Variants in CFAP61 observed in about 807,000 individuals in gnomAD.
The protein encoded by CFAP61 is cilia- and flagella-associated protein 61.
CFAP61 carries 107 observed loss-of-function variants against 135.6 expected under a neutral mutation model. The ratio of observed to expected loss-of-function variants is 0.79; its 90% CI spans 0.67 to 0.93. The LOEUF (loss-of-function observed/expected upper bound fraction) is 0.93, where lower values mean the gene tolerates loss of function less well. CFAP61 is among the 40% of genes least tolerant of loss of function. The pLI, the probability that CFAP61 is intolerant of heterozygous loss-of-function variation, is 0.00. For synonymous variants in CFAP61, 575 were observed against 578.5 expected (o/e 0.99, Z 0.09); for missense variants, 1,507 against 1,556.2 (o/e 0.97, Z 0.53).
At chr20:20,123,709 T>C (rs1245131913) in intron 8 of CFAP61, among the ~76,000 whole-genome samples, 1 of 151,856 alleles carries the variant, frequency 6.6e-6, no homozygotes, top group Admixed American at 6.5e-5. Context: ...GCTTTGGCTA[T>C]GCGGGCTCTT....
At chr20:20,150,292 C>CAAAAGACGT (rs1029944485) in intron 9 of CFAP61, among the ~76,000 whole-genome samples, 1 of 152,118 alleles carries the variant, frequency 6.6e-6, no homozygotes, top group African/African-American at 2.4e-5. Context: ...TAGCCAATCA[C>CAAAAGACGT]AAAAGACGTA....
chr20:20,114,828 T>C (rs1198171651), intron 8 of CFAP61, among the ~76,000 whole-genome samples: 5 of 152,230 alleles, frequency 3.3e-5, no homozygotes, highest in Non-Finnish European at 1.5e-5. Flanking sequence ...TGAAAAGTTT[T>C]CAGTATTTCA....
At chr20:20,316,808 G>C (rs1229170660) in intron 25 of CFAP61, 2 of 148,672 alleles carry the variant, frequency 1.3e-5, no homozygotes, top group Non-Finnish European at 3.0e-5. Flanking sequence ...CTTGAACCCA[G>C]GAGGCAGAGT....
chr20:20,067,776 T>TATTATTA (rs1568820899), intron 2 of CFAP61, among the ~76,000 whole-genome samples: 2 of 65,940 alleles, frequency 3.0e-5, no homozygotes, highest in Non-Finnish European at 1.0e-4. Flanking sequence ...TATGTATTTA[T>TATTATTA]TATATATATA....
At position 20,131,335 on chromosome 20, in the gene CFAP61, T is replaced by C. The variant is rs559506176; in HGVS notation, c.860-11522T>C. ...AATTGCAGTTTATAATTTAAATTGT[T>C]ATATACCTATTTGTTATATTTGGTA... On this transcript the variant is annotated intron_variant, in intron 8 of 26. Coordinates refer to ENST00000245957, the MANE Select transcript of CFAP61 (RefSeq NM_015585.4). 1.3e-4 allele frequency among the ~76,000 whole-genome samples: 4 copies of C among 30,826 alleles called. No individual in the cohort carries two copies. In the South Asian group the frequency reaches 3.7e-3, roughly 28 times the overall value. The allele number at this position is 30,826 out of a possible 152,430, so 20.2% of individuals were successfully genotyped here.
chr20:20,296,277 C>T (rs1259014360), intron 24 of CFAP61, among the ~76,000 whole-genome samples: 3 of 86,012 alleles, frequency 3.5e-5, no homozygotes, highest in African/African-American at 1.5e-4. Context: ...CCTCCCCCTT[C>T]CCTCATCCCT....
chr20:20,147,046 A>G (rs148926393), intron 9 of CFAP61, among the ~76,000 whole-genome samples: 1 of 152,344 alleles, frequency 6.6e-6, no homozygotes, highest in East Asian at 1.9e-4. Flanking sequence ...AATGGCCTCC[A>G]GCTCTATCCA....
intron 25 of CFAP61, among the ~76,000 whole-genome samples, chr20:20,324,686 C>G: frequency 6.6e-6 from 1 of 152,184 alleles, no homozygotes; most frequent in Admixed American, 6.5e-5. Context: ...TTCCCACTAA[C>G]AGGACAGAAG....
chr20:20,238,185 TA>T (rs2049742585), intron 18 of CFAP61, among the ~76,000 whole-genome samples: 2 of 152,224 alleles, frequency 1.3e-5, no homozygotes, highest in South Asian at 4.1e-4. Flanking sequence ...TACTTAACAA[TA>T]AATATTTTGT....
intron 16 of CFAP61, 114 bp from the exon 17 acceptor site, chr20:20,199,654 T>C: frequency 1.7e-6 from 2 of 1,175,578 alleles, no homozygotes; most frequent in Non-Finnish European, 2.4e-6. Flanking sequence ...ATTTTTTTTT[T>C]TCCTCTCTGA....
intron 17 of CFAP61, among the ~76,000 whole-genome samples, chr20:20,226,592 C>T (rs1333918557): frequency 6.6e-6 from 1 of 152,190 alleles, no homozygotes; most frequent in Non-Finnish European, 1.5e-5. Flanking sequence ...AATTCCTGTT[C>T]TATTTCTGTG....
chr20:20,083,029 G>A (rs2046536047), intron 6 of CFAP61, among the ~76,000 whole-genome samples: 2 of 152,154 alleles, frequency 1.3e-5, no homozygotes, highest in African/African-American at 4.8e-5. Flanking sequence ...ATATGAAAAA[G>A]ATACATGTAT....
intron 26 of CFAP61, among the ~76,000 whole-genome samples, chr20:20,353,696 C>T (rs981244177): frequency 1.3e-5 from 2 of 152,088 alleles, no homozygotes; most frequent in African/African-American, 4.8e-5. Context: ...TTCCAGGAAG[C>T]TACGAGGACT....
At chr20:20,128,272 C>T (rs1476653067) in intron 8 of CFAP61, among the ~76,000 whole-genome samples, 2 of 151,706 alleles carry the variant, frequency 1.3e-5, no homozygotes, top group South Asian at 2.1e-4. Context: ...GTGTTTTTCC[C>T]CACTCCTCTG....
chr20:20,358,136 G>A (rs2059331714), intron 26 of CFAP61, among the ~76,000 whole-genome samples: 2 of 148,816 alleles, frequency 1.3e-5, no homozygotes, highest in African/African-American at 2.5e-5. Context: ...TAGTCACACT[G>A]AGAGGAGGTG....
intron 6 of CFAP61, among the ~76,000 whole-genome samples, chr20:20,080,873 G>A (rs1381825326): frequency 6.6e-6 from 1 of 151,824 alleles, no homozygotes; most frequent in Non-Finnish European, 1.5e-5. Context: ...GTGGTGGCAT[G>A]CATCTGTAGT....
intron 18 of CFAP61, among the ~76,000 whole-genome samples, chr20:20,243,837 C>A (rs1242025338): frequency 6.6e-6 from 1 of 152,158 alleles, no homozygotes; most frequent in Non-Finnish European, 1.5e-5. Context: ...CATGTAAAAT[C>A]AAAAGCAAGT....
intron 26 of CFAP61, among the ~76,000 whole-genome samples, chr20:20,357,927 T>C (rs1816520585): frequency 9.5e-6 from 1 of 105,452 alleles, no homozygotes; most frequent in African/African-American, 4.1e-5. Context: ...GGGGAGGTGG[T>C]CACACTGAGG....
intron 25 of CFAP61, among the ~76,000 whole-genome samples, chr20:20,319,730 C>A (rs2057339714): frequency 1.3e-5 from 2 of 152,170 alleles, no homozygotes; most frequent in South Asian, 4.1e-4. Flanking sequence ...TGGACTAATA[C>A]AATTACCATC....
Sources: allele counts gnomAD v4.1 joint callset (sites outside exome capture counted in the v4.1 genomes callset), GRCh38; gene constraint gnomAD v4.1.1; transcripts MANE v1.5; gene names NCBI Gene and HGNC (gene_info 2026-07-23, HGNC 2026-07-21).